DPP10: variants seen among roughly 807,000 people sequenced by gnomAD.
The protein encoded by DPP10 is dipeptidyl peptidase like 10.
Under a neutral mutation model 120.9 loss-of-function variants are expected in DPP10, and 33 were observed. The ratio of observed to expected loss-of-function variants is 0.27; its 90% CI spans 0.21 to 0.37. The LOEUF (loss-of-function observed/expected upper bound fraction) is 0.37, where lower values mean the gene tolerates loss of function less well. Among genes scored for constraint, DPP10 ranks in the 10% least tolerant of loss-of-function variants. The probability of loss-of-function intolerance (pLI) is 1.00; values close to 1 mark genes in which losing one functional copy is unlikely to be tolerated. For synonymous variants in DPP10, 337 were observed against 326.1 expected (o/e 1.03, Z -0.36); for missense variants, 816 against 942.8 (o/e 0.87, Z 1.76).
chr2:115,516,123 G>C lies in DPP10; in HGVS notation c.367-9775G>C, dbSNP rs182506399. On this transcript the variant is annotated intron_variant, in intron 4 of 25. Coordinates refer to ENST00000410059, the MANE Select transcript of DPP10 (RefSeq NM_020868.6). Reference sequence around the variant, plus strand: ...GTGCATGACAACTCAACTAGTGAATGTCTGCCTCAGCTCCTAAGCACAGTT... The same window carrying C: ...GTGCATGACAACTCAACTAGTGAATCTCTGCCTCAGCTCCTAAGCACAGTT... Among the ~76,000 whole-genome samples, 64 of 152,212 alleles carry C rather than the reference G, an allele frequency of 4.2e-4. 1 individual carries two copies. The highest frequency in any genetic ancestry group is 5.7e-4 in the Non-Finnish European group (39 of 67,988).
At chr2:115,387,525 A>T (rs1235450498) in intron 3 of DPP10, among the ~76,000 whole-genome samples, 5 of 152,050 alleles carry the variant, frequency 3.3e-5, no homozygotes, top group East Asian at 1.9e-4. Flanking sequence ...AAAATTCCTA[A>T]CTCTCCTACA....
chr2:115,775,941 C>A (rs1199147544), intron 13 of DPP10, among the ~76,000 whole-genome samples: 1 of 151,938 alleles, frequency 6.6e-6, no homozygotes, highest in Non-Finnish European at 1.5e-5. Context: ...CAAGTAAATT[C>A]AACAAAATCA....
intron 1 of DPP10, among the ~76,000 whole-genome samples, chr2:114,752,288 T>C (rs901010321): frequency 6.6e-6 from 1 of 152,190 alleles, no homozygotes; most frequent in Non-Finnish European, 1.5e-5. Flanking sequence ...GATAATCATC[T>C]TCTTACTCTT....
intron 2 of DPP10, among the ~76,000 whole-genome samples, chr2:115,325,016 A>G (rs746524650): frequency 6.6e-6 from 1 of 152,116 alleles, no homozygotes; most frequent in African/African-American, 2.4e-5. Context: ...ATGGCTCCCC[A>G]AGACAACTAC....
At chr2:114,880,340 A>G (rs1427297462) in intron 1 of DPP10, among the ~76,000 whole-genome samples, 1 of 152,112 alleles carries the variant, frequency 6.6e-6, no homozygotes, top group Non-Finnish European at 1.5e-5. Context: ...TTTTTATTCT[A>G]TTTTCATATT....
At chr2:115,481,600 GTC>G (rs2075432668) in intron 3 of DPP10, among the ~76,000 whole-genome samples, 1 of 151,936 alleles carries the variant, frequency 6.6e-6, no homozygotes, top group East Asian at 1.9e-4. Flanking sequence ...CCTTGGTTCC[GTC>G]CAGCTCTACA....
At chr2:115,558,227 C>T (rs980113179) in intron 5 of DPP10, among the ~76,000 whole-genome samples, 8 of 152,170 alleles carry the variant, frequency 5.3e-5, no homozygotes, top group Non-Finnish European at 1.0e-4. Context: ...TGGTCAGCCG[C>T]TCTCCATAAC....
chr2:115,492,068 G>A (rs1309029559), intron 3 of DPP10, among the ~76,000 whole-genome samples: 1 of 152,032 alleles, frequency 6.6e-6, no homozygotes, highest in Non-Finnish European at 1.5e-5. Context: ...CGTCACAACA[G>A]CAATCAATAA....
At chr2:115,200,926 A>C (rs2055661243) in intron 1 of DPP10, among the ~76,000 whole-genome samples, 1 of 152,216 alleles carries the variant, frequency 6.6e-6, no homozygotes, top group Admixed American at 6.5e-5. Flanking sequence ...GAGAGGAAGC[A>C]GATATACTAG....
At chr2:114,962,225 A>G (rs1202118203) in intron 1 of DPP10, among the ~76,000 whole-genome samples, 2 of 152,160 alleles carry the variant, frequency 1.3e-5, no homozygotes, top group African/African-American at 4.8e-5. Context: ...GGTTAAAATT[A>G]TTTTATCAAG....
intron 3 of DPP10, among the ~76,000 whole-genome samples, chr2:115,451,205 A>G (rs2073079023): frequency 6.6e-6 from 1 of 151,938 alleles, no homozygotes; most frequent in Non-Finnish European, 1.5e-5. Context: ...TTTAGAAACC[A>G]TTTGCTAAAA....
intron 1 of DPP10, among the ~76,000 whole-genome samples, chr2:114,585,865 TAG>T (rs1690938339): frequency 6.6e-6 from 1 of 152,126 alleles, no homozygotes; most frequent in African/African-American, 2.4e-5. Flanking sequence ...CAAGAAGGGA[TAG>T]AGAGTTTCCT....
At chr2:115,203,838 A>G (rs2055920711) in intron 1 of DPP10, among the ~76,000 whole-genome samples, 1 of 151,966 alleles carries the variant, frequency 6.6e-6, no homozygotes, top group South Asian at 2.1e-4. Flanking sequence ...TCTCCTATCT[A>G]TTCAATCAAA....
rs559495780 is a variant in DPP10, at chr2:114,518,227, A to G, written c.60+75389A>G. Among the ~76,000 whole-genome samples, 31 of 151,796 alleles carry G rather than the reference A, an allele frequency of 2.0e-4. No homozygotes were observed. The Middle Eastern group carries it at 0.01, about 50-fold the overall frequency. On this transcript the variant is annotated intron_variant, in intron 1 of 25. Transcript: ENST00000410059. ...TGAATAGTTGGGATTATAGGTACCC[A>G]CCACCACGCCTGGCTAATTTTTGTG...
chr2:114,706,673 C>G (rs1700707746), intron 1 of DPP10, among the ~76,000 whole-genome samples: 1 of 152,166 alleles, frequency 6.6e-6, no homozygotes, highest in South Asian at 2.1e-4. Context: ...TGCAAAGACC[C>G]TATTGCAAAG....
chr2:114,833,762 T>G (rs1341066732), intron 1 of DPP10: 1 of 152,206 alleles, frequency 6.6e-6, no homozygotes, highest in Non-Finnish European at 1.5e-5. Context: ...TAGAACACGT[T>G]TAGCCCAAAG....
chr2:115,560,160 A>G (rs572605011), intron 5 of DPP10, among the ~76,000 whole-genome samples: 97 of 150,328 alleles, frequency 6.5e-4, no homozygotes, highest in Middle Eastern at 3.5e-3. Flanking sequence ...CACGAGGTCA[A>G]AAGATCGAGA....
intron 19 of DPP10, among the ~76,000 whole-genome samples, chr2:115,810,367 A>G (rs149490323): frequency 3.9e-5 from 6 of 152,306 alleles, no homozygotes; most frequent in African/African-American, 1.4e-4. Flanking sequence ...TAATTGAAAC[A>G]CTTTGTGAAC....
intron 3 of DPP10, among the ~76,000 whole-genome samples, chr2:115,407,918 G>A (rs2068647256): frequency 6.6e-6 from 1 of 152,048 alleles, no homozygotes; most frequent in Non-Finnish European, 1.5e-5. Context: ...AGGGATTTAG[G>A]ATGCATTCAA....
Sources: gnomAD v4.1 joint callset for allele counts (sites outside exome capture counted in the v4.1 genomes callset) on GRCh38, gnomAD v4.1.1 for gene constraint, MANE v1.5 for transcripts, NCBI Gene and HGNC (gene_info 2026-07-23, HGNC 2026-07-21) for gene names.